JTB: variants seen among roughly 807,000 people sequenced by gnomAD.
JTB encodes protein JTB.
In JTB, 10 loss-of-function variants were observed where a neutral mutation model predicts 22.1. The ratio of observed to expected loss-of-function variants is 0.45; its 90% confidence interval spans 0.28 to 0.77. The LOEUF (loss-of-function observed/expected upper bound fraction) is 0.77. Ranked by LOEUF, JTB falls within the 30% of genes least tolerant of loss-of-function variation. The pLI, the probability that JTB is intolerant of heterozygous loss-of-function variation, is 0.13. For synonymous variants in JTB, 83 were observed against 66.8 expected, an observed-to-expected ratio of 1.24 and a Z score of -1.18; for missense variants, 137 against 180.3, an observed-to-expected ratio of 0.76 and a Z score of 1.38.
rs116396801 is a variant in JTB, at chr1:153,976,013, T to C, written c.205-108A>G. ...GCCCAACTGCTATGGTTTGGAGTGG[T>C]AGGCAACAGAGAGCTAATGAAAGAG... On this transcript the variant is annotated intron_variant, in intron 3 of 4. Transcript: ENST00000271843. 5.1e-3 allele frequency: 3,797 copies of C among 740,848 alleles called. 102 individuals are homozygous for C. In the African/African-American group the frequency reaches 0.06, roughly 12 times the overall value. The allele number at this position is 740,848 out of a possible 1,614,324, so 45.9% of individuals were successfully genotyped here.
At chr1:153,977,057 A>T (rs751271949) in intron 1 of JTB, 44 bp from the exon 2 acceptor site, 2 of 1,613,874 alleles carry the variant, frequency 1.2e-6, no homozygotes, top group African/African-American at 2.7e-5. Context: ...AAACCCAGAA[A>T]ATAGGGCACC....
chr1:153,976,858 C>T, intron 2 of JTB, 83 bp from the exon 3 acceptor site: 1 of 1,593,718 alleles, frequency 6.3e-7, no homozygotes, highest in African/African-American at 1.3e-5. Flanking sequence ...CCCGGCACAG[C>T]GCTTGCCCTC....
intron 2 of JTB, 96 bp downstream of exon 2, chr1:153,976,880 T>C: frequency 6.3e-7 from 1 of 1,599,566 alleles, no homozygotes; most frequent in Non-Finnish European, 8.6e-7. Flanking sequence ...TTCCATGTGG[T>C]GCCGGCCTTT....
At position 153,974,680 on chromosome 1, in the gene JTB, T is replaced by G; in HGVS notation, c.440A>C (p.Ter147SerextTer135). ...CCAGGATACAAGGGTGGAATGTAGC[T>G]ATATGGACTCGATTTGCTTCCGGAC... The part of the protein sequence containing the change: ...EKVRKQIESI[*>S] Residue 147 changes from the stop codon to serine, a stop_lost, in exon 5 of 5, where the codon TAG (stop) becomes TCG (serine). Coordinates refer to ENST00000271843, the MANE Select transcript of JTB (RefSeq NM_006694.4). 6.2e-7 allele frequency: 1 copy of G among 1,611,802 alleles called. No homozygotes were observed. The highest frequency in any genetic ancestry group is 8.5e-7 in the Non-Finnish European group (1 of 1,177,974).
At chr1:153,975,399 G>A (rs1047969660) in intron 4 of JTB, among the ~76,000 whole-genome samples, 2 of 147,786 alleles carry the variant, frequency 1.4e-5, no homozygotes, top group Admixed American at 6.9e-5. Context: ...GATTACAGGC[G>A]TGAGCCACCC....
At chr1:153,976,639 T>G (rs1409785298) in intron 3 of JTB, 54 bp downstream of exon 3, 1 of 1,411,296 alleles carries the variant, frequency 7.1e-7, no homozygotes, top group East Asian at 2.3e-5. Context: ...AGATGTTGCT[T>G]AAGTGTTTGC....
rs1648709794 is a variant in JTB, at chr1:153,974,520, ACT to A, written c.*157_*158del. ...TTACAGAAGGGAAGGAAACCATTTTACTCTTTTTATTCTGCTCATTAATGATC... is the reference window on the plus strand; with the variant it reads ...TTACAGAAGGGAAGGAAACCATTTTACTTTTTATTCTGCTCATTAATGATC... On this transcript the variant is annotated 3_prime_UTR_variant, in exon 5 of 5. Coordinates refer to ENST00000271843, the MANE Select transcript of JTB (RefSeq NM_006694.4). 2 of 576,260 alleles carry A rather than the reference ACT, an allele frequency of 3.5e-6. No individual in the cohort carries two copies. Among genetic ancestry groups the A allele is most frequent in the African/African-American group, 3.7e-5 (2 of 54,144 alleles). 35.7% of individuals were successfully genotyped at this position (576,260 alleles called of 1,614,324 possible).
intron 1 of JTB, 34 bp downstream of exon 1, chr1:153,977,136 G>A: frequency 6.2e-7 from 1 of 1,613,960 alleles, no homozygotes; most frequent in Non-Finnish European, 8.5e-7. Flanking sequence ...GTCCTCCAGT[G>A]ACCTCCTTTT....
intron 4 of JTB, among the ~76,000 whole-genome samples, chr1:153,975,125 TTTC>T (rs1241607118): frequency 6.6e-6 from 1 of 151,960 alleles, no homozygotes; most frequent in East Asian, 1.9e-4. Flanking sequence ...TCCCGTCTTC[TTTC>T]TTATTATTTT....
In JTB at chr1:153,974,744, T is replaced by C. The variant is rs535764590; in HGVS notation, c.376A>G (p.Ile126Val). 4 of 1,613,888 alleles carry C rather than the reference T, an allele frequency of 2.5e-6. No individual in the cohort carries two copies. In the East Asian group the frequency reaches 6.7e-5, roughly 27 times the overall value. ...VALIFACLVI[I>V]RQRQLDRKAL... is the part of the protein sequence containing the mutation. Reference sequence around the variant, plus strand: ...TTTCTGTCCAATTGTCGCTGACGAATGATGACAAGACAAGCGAAGATCAGG... The same window carrying C: ...TTTCTGTCCAATTGTCGCTGACGAACGATGACAAGACAAGCGAAGATCAGG... The change falls in exon 5 of 5, where the codon ATT (isoleucine) becomes GTT (valine). Residue 126 changes from isoleucine to valine, a missense_variant. By Grantham distance (29) the Ile-to-Val change is conservative (BLOSUM62 3). Transcript: ENST00000271843.
chr1:153,976,676 G>C lies in JTB; in HGVS notation c.204+17C>G. ...TAGATGTTTAAAAAAAAAAAGGGTA[G>C]AGAAATAGATACTCACAGCCCGGAA... On this transcript the variant is annotated intron_variant, in intron 3 of 4. Transcript: ENST00000271843. 1.9e-6 allele frequency: 3 copies of C among 1,588,258 alleles called. No homozygotes were observed. The highest frequency in any genetic ancestry group is 2.6e-6 in the Non-Finnish European group (3 of 1,162,050).
Position 153,977,309 on chromosome 1 carries a change from C to T in JTB, c.-57G>A. On this transcript the variant is annotated 5_prime_UTR_variant, in exon 1 of 5. Coordinates refer to ENST00000271843, the MANE Select transcript of JTB (RefSeq NM_006694.4). ...AGGGACCTACTCCACAGGCCTCGTGCCTCCGTCGGAGCGCAGAGGCGGCAC... is the reference window on the plus strand; with the variant it reads ...AGGGACCTACTCCACAGGCCTCGTGTCTCCGTCGGAGCGCAGAGGCGGCAC... 2 of 1,594,450 alleles carry T rather than the reference C, an allele frequency of 1.3e-6. No homozygotes were observed. The highest frequency in any genetic ancestry group is 1.1e-5 in the South Asian group (1 of 89,250).
Position 153,977,459 on chromosome 1 carries a change from G to A in JTB, c.-207C>T, listed in dbSNP as rs1028298189. ...GAGAAAAATCGATATGTTTTTGCGG[G>A]CTAGGGAGGCGAGCGCCTTCTGCGG... On this transcript the variant is annotated 5_prime_UTR_variant, in exon 1 of 5. Coordinates refer to ENST00000271843, the MANE Select transcript of JTB (RefSeq NM_006694.4). 1.5e-6 allele frequency: 2 copies of A among 1,328,758 alleles called. No individual in the cohort carries two copies. The highest frequency in any genetic ancestry group is 3.1e-5 in the East Asian group (1 of 32,658). The allele number at this position is 1,328,758 out of a possible 1,614,324, so 82.3% of individuals were successfully genotyped here.
At position 153,977,626 on chromosome 1, in the gene JTB, G is replaced by C; in HGVS notation, c.-374C>G. 9.9e-7 allele frequency: 1 copy of C among 1,013,426 alleles called. No homozygotes were observed. Among genetic ancestry groups the C allele is most frequent in the Non-Finnish European group, 1.2e-6 (1 of 847,572 alleles). 62.8% of individuals were successfully genotyped at this position (1,013,426 alleles called of 1,614,324 possible). ...ACCGAGCTCGGGGCCCGGTGTTCCC[G>C]GGGGCGTTCGGTCGTCGCCCGCTGG... On this transcript the variant is annotated 5_prime_UTR_variant, in exon 1 of 5. Coordinates refer to ENST00000271843, the MANE Select transcript of JTB (RefSeq NM_006694.4).
chr1:153,977,604 G>T lies in JTB; in HGVS notation c.-352C>A. Reference sequence around the variant, plus strand: ...GTGGAGGATCCTCGGGCGCGGGACCGAGCTCGGGGCCCGGTGTTCCCGGGG... The same window carrying T: ...GTGGAGGATCCTCGGGCGCGGGACCTAGCTCGGGGCCCGGTGTTCCCGGGG... On this transcript the variant is annotated 5_prime_UTR_variant, in exon 1 of 5. Coordinates refer to ENST00000271843, the MANE Select transcript of JTB (RefSeq NM_006694.4). 1 of 1,027,852 alleles carries T rather than the reference G, an allele frequency of 9.7e-7. No homozygotes were observed. The highest frequency in any genetic ancestry group is 1.2e-6 in the Non-Finnish European group (1 of 856,574). The allele number at this position is 1,027,852 out of a possible 1,614,324, so 63.7% of individuals were successfully genotyped here.
rs749981541 is a variant in JTB, at chr1:153,974,279, T to C, written c.*400A>G. 98 of 512,126 alleles carry C rather than the reference T, an allele frequency of 1.9e-4. No homozygotes were observed. Among genetic ancestry groups the C allele is most frequent in the Middle Eastern group, 1.6e-3 (3 of 1,926 alleles). The allele number at this position is 512,126 out of a possible 1,614,324, so 31.7% of individuals were successfully genotyped here. On this transcript the variant is annotated 3_prime_UTR_variant, in exon 5 of 5. Transcript: ENST00000271843. ...GGGTACCTCAAATACTTCTGTTATG[T>C]ATCTGTGATTTTATTTCTTCTTTGG...
At chr1:153,977,046 A>C (rs762872058) in intron 1 of JTB, 33 bp from the exon 2 acceptor site, 1 of 1,614,212 alleles carries the variant, frequency 6.2e-7, no homozygotes. Context: ...GACAAAAGTC[A>C]AAACCCAGAA....
chr1:153,975,746 A>G (rs986861335), intron 4 of JTB, 80 bp downstream of exon 4: 17 of 1,113,246 alleles, frequency 1.5e-5, no homozygotes, highest in Non-Finnish European at 1.8e-5. Flanking sequence ...CTACCCCCAG[A>G]CCAGGGGAAA....
intron 3 of JTB, among the ~76,000 whole-genome samples, chr1:153,976,186 G>A (rs752581129): frequency 6.6e-6 from 1 of 152,308 alleles, no homozygotes; most frequent in South Asian, 2.1e-4. Flanking sequence ...ATTTGAGGCC[G>A]GGTGTGGCGG....
Sources: allele counts gnomAD v4.1 joint callset (sites outside exome capture counted in the v4.1 genomes callset), GRCh38; gene constraint gnomAD v4.1.1; transcripts MANE v1.5; gene names NCBI Gene and HGNC (gene_info 2026-07-23, HGNC 2026-07-21).